The following ARMC3 variants were observed in gnomAD, a reference collection of about 807,000 sequenced individuals.
ARMC3 encodes the protein armadillo repeat-containing protein 3.
In ARMC3, 74 loss-of-function variants were observed where a neutral mutation model predicts 90.3. The observed-to-expected ratio is 0.82, with a 90% CI of 0.68 to 0.99. The LOEUF (loss-of-function observed/expected upper bound fraction) is 0.99. ARMC3 is among the 50% of genes least tolerant of loss of function. ARMC3 has a pLI of 0.00. For synonymous variants in ARMC3, 334 were observed against 361.8 expected, an observed-to-expected ratio of 0.92 and a Z score of 0.87; for missense variants, 958 against 1,042.8, an observed-to-expected ratio of 0.92 and a Z score of 1.12.
chr10:22,929,983 A>G (rs536026807), intron 1 of ARMC3, among the ~76,000 whole-genome samples: 1 of 152,372 alleles, frequency 6.6e-6, no homozygotes, highest in Non-Finnish European at 1.5e-5. Context: ...GAAGTAGGAA[A>G]AATTAGTTCC....
At chr10:22,932,458 G>A (rs1487763403) in intron 2 of ARMC3, among the ~76,000 whole-genome samples, 1 of 152,176 alleles carries the variant, frequency 6.6e-6, no homozygotes, top group Non-Finnish European at 1.5e-5. Flanking sequence ...GATGACCACT[G>A]CACGTGAGAA....
chr10:22,959,269 T>G (rs1835090277), intron 5 of ARMC3, 130 bp from the exon 6 acceptor site: 1 of 1,324,808 alleles, frequency 7.5e-7, no homozygotes. Context: ...AGCTCAATTT[T>G]GAGTTTATAA....
chr10:22,965,759 T>C (rs1243666671), intron 7 of ARMC3, among the ~76,000 whole-genome samples: 1 of 152,230 alleles, frequency 6.6e-6, no homozygotes, highest in Non-Finnish European at 1.5e-5. Flanking sequence ...GTTCAATTTA[T>C]GCAATTTTGG....
At position 23,030,806 on chromosome 10, in the gene ARMC3, C is replaced by G; in HGVS notation, c.2246+10C>G. 1 of 1,612,726 alleles carries G rather than the reference C, an allele frequency of 6.2e-7. No individual in the cohort carries two copies. The highest frequency in any genetic ancestry group is 8.5e-7 in the Non-Finnish European group (1 of 1,179,336). On this transcript the variant is annotated intron_variant, in intron 17 of 18. Coordinates refer to ENST00000298032, the MANE Select transcript of ARMC3 (RefSeq NM_173081.5). ...TTGAGGATCTGGCAAAGTAAGTTGT[C>G]TATGTATATATGTGTTTTTAATTTC...
intron 10 of ARMC3, among the ~76,000 whole-genome samples, chr10:22,984,881 GT>G (rs370595437): frequency 1.5e-3 from 213 of 146,062 alleles, no homozygotes; most frequent in Middle Eastern, 3.5e-3. Context: ...TCAACCTTCT[GT>G]TTTTTTTTTA....
rs998548039 is a variant in ARMC3, at chr10:23,002,205, G to C, written c.1562+150G>C. On this transcript the variant is annotated intron_variant, in intron 12 of 18. Coordinates refer to ENST00000298032, the MANE Select transcript of ARMC3 (RefSeq NM_173081.5). ...ATGTCCCCAGGGCGGGCCTTGGCTT[G>C]GAAGGAACCACCTGGAGGCAAGGGG... The C allele has an allele frequency of 5.1e-5, 60 of 1,179,890 alleles. No individual in the cohort carries two copies. In the Middle Eastern group the frequency reaches 8.9e-4, roughly 18 times the overall value. The allele number at this position is 1,179,890 out of a possible 1,614,324, so 73.1% of individuals were successfully genotyped here.
At chr10:22,930,045 G>A (rs1157451799) in intron 1 of ARMC3, among the ~76,000 whole-genome samples, 1 of 152,104 alleles carries the variant, frequency 6.6e-6, no homozygotes, top group Non-Finnish European at 1.5e-5. Context: ...TAATTAAATT[G>A]CTTCCTGAAT....
At chr10:22,929,657 C>T (rs1013399125) in intron 1 of ARMC3, among the ~76,000 whole-genome samples, 7 of 152,202 alleles carry the variant, frequency 4.6e-5, no homozygotes, top group African/African-American at 9.6e-5. Context: ...AAGCAATTCT[C>T]CTGCCTCAGC....
At chr10:22,971,071 G>A (rs1008604107) in intron 8 of ARMC3, among the ~76,000 whole-genome samples, 1 of 151,958 alleles carries the variant, frequency 6.6e-6, no homozygotes, top group Non-Finnish European at 1.5e-5. Context: ...CAAACTCCTG[G>A]CAACCACTAT....
intron 7 of ARMC3, among the ~76,000 whole-genome samples, chr10:22,966,557 C>G (rs1017446445): frequency 2.6e-5 from 4 of 152,098 alleles, no homozygotes; most frequent in African/African-American, 9.7e-5. Flanking sequence ...AGAAATAGAA[C>G]CAACAGGATG....
rs770448419 is a variant in ARMC3, at chr10:22,998,260, C to T, written c.1288C>T (p.Pro430Ser). The T allele has an allele frequency of 6.2e-7, 1 of 1,612,360 alleles. No individual in the cohort carries two copies. The highest frequency in any genetic ancestry group is 8.5e-7 in the Non-Finnish European group (1 of 1,179,114). The part of the protein sequence containing the change: ...TVLTNMAMQE[P>S]LRLNIQNHDI... Reference sequence around the variant, plus strand: ...ATTAACAAACATGGCCATGCAGGAGCCCCTGCGCCTGAACATACAGAATCA... The same window carrying T: ...ATTAACAAACATGGCCATGCAGGAGTCCCTGCGCCTGAACATACAGAATCA... Residue 430 changes from proline to serine, a missense_variant, in exon 11 of 19, where the codon CCC becomes TCC. Pro to Ser is a moderately conservative substitution (Grantham distance 74). Transcript: ENST00000298032.
chr10:22,968,299 T>G lies in ARMC3; in HGVS notation c.733-7T>G, dbSNP rs760788205. On this transcript the variant is annotated splice_region_variant and splice_polypyrimidine_tract_variant and intron_variant, in intron 7 of 18. Coordinates refer to ENST00000298032, the MANE Select transcript of ARMC3 (RefSeq NM_173081.5). ...CTTTCTAAAGTTGTATTTGCTTTTA[T>G]TATTAGGAATTGAATGACCTTCATA... The G allele has an allele frequency of 3.1e-6, 5 of 1,611,516 alleles. No homozygotes were observed. In the Admixed American group the frequency reaches 6.7e-5, roughly 22 times the overall value.
intron 16 of ARMC3, among the ~76,000 whole-genome samples, chr10:23,019,245 A>G (rs776846222): frequency 2.0e-5 from 3 of 152,210 alleles, no homozygotes; most frequent in Non-Finnish European, 2.9e-5. Flanking sequence ...TCATCAAGTC[A>G]CACCAGCATC....
chr10:22,998,294 T>C lies in ARMC3; in HGVS notation c.1322T>C (p.Met441Thr), dbSNP rs1191445154. 6.2e-7 allele frequency: 1 copy of C among 1,612,814 alleles called. No individual in the cohort carries two copies. Among genetic ancestry groups the C allele is most frequent in the Non-Finnish European group, 8.5e-7 (1 of 1,179,342 alleles). The change falls in exon 11 of 19, where the codon ATG becomes ACG. Residue 441 changes from methionine (M) to threonine (T), a missense_variant. Physicochemically the swap from Met to Thr is moderately conservative, Grantham distance 81. Coordinates refer to ENST00000298032, the MANE Select transcript of ARMC3 (RefSeq NM_173081.5). Reference protein sequence around the residue: ...LRLNIQNHDIMHAIISPLRSA... With the variant: ...LRLNIQNHDITHAIISPLRSA... ...CTGAACATACAGAATCACGACATCA[T>C]GCATGCCATCATCAGCCCACTGCGT...
intron 8 of ARMC3, among the ~76,000 whole-genome samples, chr10:22,978,756 T>C (rs1836052246): frequency 1.3e-5 from 2 of 152,204 alleles, no homozygotes; most frequent in African/African-American, 4.8e-5. Context: ...AAAACTCCAT[T>C]TATAAGTAGA....
rs911229046 is a variant in ARMC3 at position 23,030,767 on chromosome 10, T to C, written c.2217T>C (p.Asn739=). The C allele has an allele frequency of 2.5e-6, 4 of 1,613,614 alleles. No individual in the cohort carries two copies. The highest frequency in any genetic ancestry group is 2.5e-6 in the Non-Finnish European group (3 of 1,179,676). ...CCAAATCAATACTGCCAATAACCAA[T>C]ATTAAGGAACAGATTGAGGATCTGG... ...EVTKSILPIT[N]IKEQIEDLAK... is the part of the protein sequence containing the mutation. Residue 739 remains asparagine (N), a synonymous_variant, in exon 17 of 19, where the codon AAT becomes AAC. Transcript: ENST00000298032.
At chr10:23,014,967 T>A (rs1838211744) in intron 16 of ARMC3, among the ~76,000 whole-genome samples, 3 of 127,120 alleles carry the variant, frequency 2.4e-5, no homozygotes, top group African/African-American at 3.0e-5. Context: ...GAACTTAAAA[T>A]AAAAGTTAAA....
intron 16 of ARMC3, chr10:23,014,618 C>A (rs1197595953): frequency 3.8e-6 from 2 of 529,012 alleles, no homozygotes; most frequent in Non-Finnish European, 4.8e-6. Flanking sequence ...TATTATGCAG[C>A]CACAAAAAAG....
intron 2 of ARMC3, among the ~76,000 whole-genome samples, chr10:22,942,278 C>T (rs914244490): frequency 6.6e-6 from 1 of 152,056 alleles, no homozygotes; most frequent in Non-Finnish European, 1.5e-5. Context: ...ACCAAGAACC[C>T]CTCAGAGCCT....
Sources: gnomAD v4.1 joint callset for allele counts (sites outside exome capture counted in the v4.1 genomes callset) on GRCh38, gnomAD v4.1.1 for gene constraint, MANE v1.5 for transcripts, NCBI Gene and HGNC (gene_info 2026-07-23, HGNC 2026-07-21) for gene names.